Variants in ALK observed in about 807,000 individuals in gnomAD.
The protein encoded by ALK is ALK tyrosine kinase receptor.
Under a neutral mutation model 163.1 loss-of-function variants are expected in ALK, and 74 were observed. The observed-to-expected ratio is 0.45, with a 90% CI of 0.38 to 0.55. ALK has a LOEUF of 0.55. Among genes scored for constraint, ALK ranks in the 20% least tolerant of loss-of-function variants. ALK has a pLI of 0.00. For synonymous variants in ALK, 960 were observed against 843.2 expected (o/e 1.14, Z -2.40); for missense variants, 2,063 against 2,105.3 (o/e 0.98, Z 0.39).
rs925915337 is a variant in ALK, at chr2:29,239,772, G to T, written c.2263C>A (p.His755Asn). Residue 755 changes from histidine (H) to asparagine (N), a missense_variant, in exon 13 of 29, where the codon CAC becomes AAC. By Grantham distance (68) the His-to-Asn change is moderately conservative. Coordinates refer to ENST00000389048, the MANE Select transcript of ALK (RefSeq NM_004304.5). ...KGGKNTMMRS[H>N]GVSVLGIFNL... ...AAGATGCCCAGCACAGACACGCCGT[G>T]GGACCGCATCATGGTGTTCTTCCCG... The T allele has an allele frequency of 9.9e-6, 16 of 1,613,904 alleles. No homozygotes were observed. Among genetic ancestry groups the T allele is most frequent in the Admixed American group, 6.7e-5 (4 of 60,000 alleles).
At chr2:29,564,588 C>T (rs1341255652) in intron 3 of ALK, among the ~76,000 whole-genome samples, 1 of 152,230 alleles carries the variant, frequency 6.6e-6, no homozygotes, top group Non-Finnish European at 1.5e-5. Context: ...CCTGCCCTCT[C>T]ATCCACTCCT....
chr2:29,352,547 G>A (rs1473352525), intron 5 of ALK, among the ~76,000 whole-genome samples: 1 of 152,242 alleles, frequency 6.6e-6, no homozygotes, highest in African/African-American at 2.4e-5. Context: ...CAGGCTCAGA[G>A]GTCTTTTAGA....
intron 9 of ALK, among the ~76,000 whole-genome samples, chr2:29,280,396 G>A (rs1328852522): frequency 1.3e-5 from 2 of 151,814 alleles, no homozygotes; most frequent in African/African-American, 4.8e-5. Context: ...TATGTACCAG[G>A]TGGACCACTC....
Position 29,615,079 on chromosome 2 carries a change from G to A in ALK, c.952+79771C>T, listed in dbSNP as rs150850624. 7.1e-3 allele frequency among the ~76,000 whole-genome samples: 1,085 copies of A among 152,150 alleles called. 13 individuals carry two copies. Among genetic ancestry groups the A allele is most frequent in the South Asian group, 0.048 (229 of 4,814 alleles). On this transcript the variant is annotated intron_variant, in intron 3 of 28. Coordinates refer to ENST00000389048, the MANE Select transcript of ALK (RefSeq NM_004304.5). ...AGCAATCCACCTGCCCCAACCTCCCGAAGTACTGGGCCTGCAGGCTTGAGC... is the reference window on the plus strand; with the variant it reads ...AGCAATCCACCTGCCCCAACCTCCCAAAGTACTGGGCCTGCAGGCTTGAGC...
At chr2:29,439,725 G>C (rs1254411171) in intron 4 of ALK, among the ~76,000 whole-genome samples, 1 of 150,974 alleles carries the variant, frequency 6.6e-6, no homozygotes, top group African/African-American at 2.4e-5. Flanking sequence ...TACGTGCAGA[G>C]AGAAGGCCAT....
At position 29,800,791 on chromosome 2, in the gene ALK, A is replaced by G. The variant is rs182022536; in HGVS notation, c.668-83094T>C. 2.0e-5 allele frequency among the ~76,000 whole-genome samples: 3 copies of G among 152,356 alleles called. No homozygotes were observed. In the East Asian group the frequency reaches 5.8e-4, roughly 29 times the overall value. On this transcript the variant is annotated intron_variant, in intron 1 of 28. Transcript: ENST00000389048. ...AAAACAGGCAGAGAGGAAGAACCAC[A>G]ATATTCCCAACGCATGGGGCTTCTG...
chr2:29,786,099 G>A (rs566132680), intron 1 of ALK, among the ~76,000 whole-genome samples: 8 of 152,136 alleles, frequency 5.3e-5, no homozygotes, highest in Non-Finnish European at 1.2e-4. Context: ...CGAGACTAAG[G>A]ATGATTGACG....
chr2:29,731,082 G>A (rs192773609), intron 1 of ALK, among the ~76,000 whole-genome samples: 9 of 152,288 alleles, frequency 5.9e-5, no homozygotes, highest in Admixed American at 1.3e-4. Flanking sequence ...ATCTGAGAGC[G>A]CCTCAGAAAG....
intron 4 of ALK, among the ~76,000 whole-genome samples, chr2:29,521,334 T>G (rs1373330820): frequency 6.6e-6 from 1 of 152,146 alleles, no homozygotes; most frequent in Non-Finnish European, 1.5e-5. Flanking sequence ...CCCTCCCTTT[T>G]CTCACCACCA....
intron 5 of ALK, among the ~76,000 whole-genome samples, chr2:29,375,503 G>C (rs542260190): frequency 3.7e-4 from 56 of 152,150 alleles, no homozygotes; most frequent in African/African-American, 1.3e-3. Context: ...TATTTCAGTA[G>C]AGACAGGGTT....
In ALK at chr2:29,578,661, T is replaced by A. The variant is rs6757067; in HGVS notation, c.953-46545A>T. Among the ~76,000 whole-genome samples the A allele has an allele frequency of 9.9e-3, 1,508 of 152,222 alleles. 19 individuals are homozygous for A. The highest frequency in any genetic ancestry group is 0.027 in the African/African-American group (1,118 of 41,558). On this transcript the variant is annotated intron_variant, in intron 3 of 28. Coordinates refer to ENST00000389048, the MANE Select transcript of ALK (RefSeq NM_004304.5). ...CCTGTCTCTTTCTTTCTTGCAGGGGTATGTGATGATGAAGGGGTCACCCGG... is the reference window on the plus strand; with the variant it reads ...CCTGTCTCTTTCTTTCTTGCAGGGGAATGTGATGATGAAGGGGTCACCCGG...
intron 3 of ALK, among the ~76,000 whole-genome samples, chr2:29,620,492 T>A (rs1165095809): frequency 1.7e-5 from 2 of 118,292 alleles, no homozygotes; most frequent in Admixed American, 1.0e-4. Context: ...TCTCTTTTTT[T>A]TTGCGGGGTG....
intron 4 of ALK, among the ~76,000 whole-genome samples, chr2:29,470,685 AT>A (rs11325298): frequency 0.28 from 41,689 of 148,674 alleles, 5,995 homozygotes; most frequent in African/African-American, 0.36. Context: ...AAACAGCTGA[AT>A]TTTTTTTTTT....
intron 8 of ALK, among the ~76,000 whole-genome samples, chr2:29,304,332 C>G (rs1019732509): frequency 6.6e-6 from 1 of 151,938 alleles, no homozygotes; most frequent in African/African-American, 2.4e-5. Context: ...CCTGTCTCTA[C>G]TAAAAGTACA....
chr2:29,608,381 T>C (rs1675598039), intron 3 of ALK, among the ~76,000 whole-genome samples: 1 of 152,166 alleles, frequency 6.6e-6, no homozygotes, highest in Non-Finnish European at 1.5e-5. Flanking sequence ...ACTCAGCAAA[T>C]ATTTTAGGAT....
At chr2:29,535,285 T>A (rs1323500093) in intron 3 of ALK, among the ~76,000 whole-genome samples, 2 of 152,200 alleles carry the variant, frequency 1.3e-5, no homozygotes, top group African/African-American at 4.8e-5. Flanking sequence ...TTATTATGCA[T>A]CTTGTTGATA....
At chr2:29,698,148 C>T (rs529243551) in intron 2 of ALK, among the ~76,000 whole-genome samples, 7 of 152,316 alleles carry the variant, frequency 4.6e-5, no homozygotes, top group African/African-American at 1.7e-4. Context: ...GGGTAGCTCT[C>T]ACTTTGTTTG....
chr2:29,374,870 T>C (rs968620923), intron 5 of ALK, among the ~76,000 whole-genome samples: 1 of 152,188 alleles, frequency 6.6e-6, no homozygotes, highest in Admixed American at 6.5e-5. Flanking sequence ...CACCTGGAGA[T>C]AGGCACTAGA....
intron 1 of ALK, among the ~76,000 whole-genome samples, chr2:29,902,830 T>C (rs1667451813): frequency 6.6e-6 from 1 of 152,178 alleles, no homozygotes; most frequent in Non-Finnish European, 1.5e-5. Flanking sequence ...TACTCACTGT[T>C]CTTTGCCCGA....
Sources: gnomAD v4.1 joint callset for allele counts (sites outside exome capture counted in the v4.1 genomes callset) on GRCh38, gnomAD v4.1.1 for gene constraint, MANE v1.5 for transcripts, NCBI Gene and HGNC (gene_info 2026-07-23, HGNC 2026-07-21) for gene names.